The following DGKZ variants were observed in gnomAD, a reference collection of about 807,000 sequenced individuals.
The protein encoded by DGKZ is DAG kinase zeta.
Under a neutral mutation model 142.5 loss-of-function variants are expected in DGKZ, and 45 were observed. The observed-to-expected ratio is 0.32, with a 90% CI of 0.25 to 0.40. The LOEUF is 0.40. Ranked by LOEUF, DGKZ falls within the 10% of genes least tolerant of loss-of-function variation. The pLI, the probability that DGKZ is intolerant of heterozygous loss-of-function variation, is 1.00. For synonymous variants in DGKZ, 442 were observed against 527.0 expected, an observed-to-expected ratio of 0.84 and a Z score of 2.21; for missense variants, 755 against 1,306.5, an observed-to-expected ratio of 0.58 and a Z score of 6.51.
chr11:46,358,685 A>G (rs1381906161), intron 1 of DGKZ, among the ~76,000 whole-genome samples: 1 of 152,218 alleles, frequency 6.6e-6, no homozygotes, highest in East Asian at 1.9e-4. Context: ...TTTTTTAAAA[A>G]TAAGTAATAA....
chr11:46,352,332 C>T (rs1027302471), intron 1 of DGKZ, among the ~76,000 whole-genome samples: 5 of 152,348 alleles, frequency 3.3e-5, no homozygotes, highest in East Asian at 3.9e-4. Flanking sequence ...TGTGGGAGGC[C>T]GGTGGGCGAG....
chr11:46,378,063 C>A, intron 25 of DGKZ, 135 bp from the exon 26 acceptor site: 1 of 1,124,290 alleles, frequency 8.9e-7, no homozygotes, highest in Non-Finnish European at 1.3e-6. Flanking sequence ...ATCCCCAGTG[C>A]CTGGAATAGT....
At chr11:46,352,554 G>A (rs574741694) in intron 1 of DGKZ, among the ~76,000 whole-genome samples, 6 of 152,226 alleles carry the variant, frequency 3.9e-5, no homozygotes, top group African/African-American at 9.6e-5. Context: ...GCAGCTAGCC[G>A]GGGTCATCTG....
chr11:46,358,297 C>A (rs1254276285), intron 1 of DGKZ, among the ~76,000 whole-genome samples: 3 of 152,110 alleles, frequency 2.0e-5, no homozygotes, highest in Non-Finnish European at 4.4e-5. Flanking sequence ...GTACCTATAT[C>A]TTCTGATATT....
chr11:46,345,330 C>G, upstream of DGKZ: 2 of 1,384,158 alleles, frequency 1.4e-6, no homozygotes, highest in Non-Finnish European at 1.9e-6. The surrounding 1 kb of genome is among the most constrained non-coding windows in gnomAD (Gnocchi z 4.1). Context: ...GCTTGGGCGG[C>G]CAGCGGCCTC....
chr11:46,345,633 C>T (rs1009976981), upstream of DGKZ: 11 of 1,454,604 alleles, frequency 7.6e-6, no homozygotes, highest in East Asian at 2.3e-4. This position sits in a 1 kb window ranked among gnomAD's most constrained non-coding sequence, Gnocchi z 4.1. Context: ...CTCTGTCCCT[C>T]TATGAGCCTT....
intron 1 of DGKZ, among the ~76,000 whole-genome samples, chr11:46,339,720 A>T (rs1940183719): frequency 6.6e-6 from 1 of 152,296 alleles, no homozygotes; most frequent in African/African-American, 2.4e-5. Context: ...CATTTGAAGA[A>T]CTTATTTGGT....
intron 1 of DGKZ, among the ~76,000 whole-genome samples, chr11:46,339,771 G>A (rs1163017437): frequency 6.6e-6 from 1 of 152,270 alleles, no homozygotes; most frequent in African/African-American, 2.4e-5. Flanking sequence ...GCATGGGGAA[G>A]CCTGGAGTGG....
In DGKZ at chr11:46,372,909, C is replaced by T; in HGVS notation, c.1185+25C>T. 6.4e-7 allele frequency: 1 copy of T among 1,559,786 alleles called. No individual in the cohort carries two copies. Among genetic ancestry groups the T allele is most frequent in the Non-Finnish European group, 8.7e-7 (1 of 1,151,848 alleles). ...GGTAAGCACCCATAGGAGGGGGGTG[C>T]AGCTGGGGCCTCTCCAGCCACAGAG... On this transcript the variant is annotated intron_variant, in intron 13 of 30. Coordinates refer to ENST00000527911, the Ensembl canonical transcript of DGKZ. This position sits in a 1 kb window ranked among gnomAD's most constrained non-coding sequence, Gnocchi z 5.9.
intron 1 of DGKZ, among the ~76,000 whole-genome samples, chr11:46,341,598 G>A (rs1432259428): frequency 1.3e-5 from 2 of 152,190 alleles, no homozygotes; most frequent in African/African-American, 4.8e-5. Context: ...ACCCAGAGAG[G>A]GTAATGACTG....
chr11:46,336,326 A>G (rs1252524634), intron 1 of DGKZ, among the ~76,000 whole-genome samples: 1 of 152,208 alleles, frequency 6.6e-6, no homozygotes, highest in Non-Finnish European at 1.5e-5. Flanking sequence ...CTGGAAAGGC[A>G]GGGGAGGGGG....
chr11:46,375,877 G>A lies in DGKZ; in HGVS notation c.1937G>A (p.Arg646His), dbSNP rs747558206. ...CAGCAGCCGGTGCCAGAGCAGTTGC[G>A]CATCCAGGTGAGTCGCGTCAGCATG... The change falls in exon 21 of 31, where the codon CGC becomes CAC. Residue 646 changes from arginine to histidine, a missense_variant. Coordinates refer to ENST00000527911, the Ensembl canonical transcript of DGKZ. The A allele has an allele frequency of 7.6e-6, 12 of 1,572,654 alleles. No individual in the cohort carries two copies. The East Asian group carries it at 9.4e-5, about 12-fold the overall frequency.
chr11:46,359,264 A>C (rs909023661), intron 1 of DGKZ, among the ~76,000 whole-genome samples: 4 of 152,044 alleles, frequency 2.6e-5, no homozygotes, highest in African/African-American at 7.2e-5. Context: ...AACATGGTGA[A>C]ACCCCGTCTC....
Position 46,347,849 on chromosome 11 carries a change from C to G in DGKZ, c.161+29C>G. On this transcript the variant is annotated intron_variant, in intron 1 of 30. Transcript: ENST00000527911. The surrounding 1 kb of genome is among the most constrained non-coding windows in gnomAD (Gnocchi z 6.4). ...AGCGGGGCGGCGGCGGGGCAGGCAC[C>G]GAGGCACCGGCAGGTTACCGCTCCC... 1 of 1,275,124 alleles carries G rather than the reference C, an allele frequency of 7.8e-7. No homozygotes were observed. Among genetic ancestry groups the G allele is most frequent in the Non-Finnish European group, 9.9e-7 (1 of 1,008,696 alleles). 79.0% of individuals were successfully genotyped at this position (1,275,124 alleles called of 1,614,324 possible).
chr11:46,351,561 T>A (rs1941384116), intron 1 of DGKZ, among the ~76,000 whole-genome samples: 1 of 152,198 alleles, frequency 6.6e-6, no homozygotes, highest in South Asian at 2.1e-4. Context: ...GACGCCTCTT[T>A]TGCAGAGGTG....
At chr11:46,347,292 C>T (rs901800544), upstream of DGKZ, 46 of 984,516 alleles carry the variant, frequency 4.7e-5, no homozygotes, top group Non-Finnish European at 5.5e-5. This position sits in a 1 kb window ranked among gnomAD's most constrained non-coding sequence, Gnocchi z 6.4. Context: ...TTTCTGCTGC[C>T]CCGCCCATTC....
chr11:46,353,768 C>G (rs1158140292), intron 1 of DGKZ, among the ~76,000 whole-genome samples: 1 of 152,170 alleles, frequency 6.6e-6, no homozygotes, highest in Admixed American at 6.5e-5. Context: ...TACACTGAGA[C>G]CTCCTCCCCT....
At chr11:46,361,772 G>A in intron 1 of DGKZ, 1 of 773,960 alleles carries the variant, frequency 1.3e-6, no homozygotes, top group Non-Finnish European at 1.6e-6. Context: ...CTGGGTGGGT[G>A]CGGGGAGGGT....
chr11:46,369,188 CAAAAA>C (rs34455497), intron 4 of DGKZ: 4 of 415,348 alleles, frequency 9.6e-6, no homozygotes, highest in Non-Finnish European at 1.8e-5. Flanking sequence ...AAAACAAAAA[CAAAAA>C]AAAAACAACG....
Sources: allele counts gnomAD v4.1 joint callset (sites outside exome capture counted in the v4.1 genomes callset), GRCh38; gene constraint gnomAD v4.1.1; non-coding constraint Gnocchi (gnomAD v3.1); transcripts MANE v1.5; gene names NCBI Gene and HGNC (gene_info 2026-07-23, HGNC 2026-07-21).